Variants in TSPAN7 observed in about 807,000 individuals in gnomAD.
TSPAN7 encodes the protein tetraspanin-7.
TSPAN7 carries 1 observed loss-of-function variant against 17.6 expected under a neutral mutation model. That is an observed-to-expected ratio of 0.06 (90% CI 0.02 to 0.27). The LOEUF (loss-of-function observed/expected upper bound fraction) is 0.27. Ranked by LOEUF, TSPAN7 falls within the 10% of genes least tolerant of loss-of-function variation. The pLI is 1.00. For missense variants in TSPAN7, 112 were observed against 201.7 expected, an observed-to-expected ratio of 0.56 and a Z score of 2.69; for synonymous variants, 78 against 79.0, an observed-to-expected ratio of 0.99 and a Z score of 0.07.
In TSPAN7 at chrX:38,672,083, G is replaced by A. The variant is rs1331264185; in HGVS notation, c.345+633G>A. Among the ~76,000 whole-genome samples, 3 of 110,525 alleles carry A rather than the reference G, an allele frequency of 2.7e-5. No homozygotes were observed. The Admixed American group carries it at 2.9e-4, about 11-fold the overall frequency. On this transcript the variant is annotated intron_variant, in intron 3 of 7. Transcript: ENST00000378482. Reference sequence around the variant, plus strand: ...TTTTAAAAATAGCTGCTTCAGTAAGGCACAAGTGTATATCTGTATAACAAG... The same window carrying A: ...TTTTAAAAATAGCTGCTTCAGTAAGACACAAGTGTATATCTGTATAACAAG...
rs367770667 is a variant in TSPAN7, at chrX:38,637,453, A to G, written c.82-28668A>G. ...TAGACTTAGAAATGTCATGGCTATC[A>G]TTGCTTCAGTTCAACCCCAGATCCC... On this transcript the variant is annotated intron_variant, in intron 1 of 7. Transcript: ENST00000378482. Among the ~76,000 whole-genome samples, 8 of 112,211 alleles carry G rather than the reference A, an allele frequency of 7.1e-5. No individual in the cohort carries two copies. In the East Asian group the frequency reaches 1.7e-3, roughly 24 times the overall value.
intron 2 of TSPAN7, among the ~76,000 whole-genome samples, chrX:38,670,044 T>G (rs1193611758): frequency 1.8e-5 from 2 of 111,956 alleles, no homozygotes; most frequent in Non-Finnish European, 3.8e-5. Flanking sequence ...TCTAGAGAAT[T>G]TTGTTAATAT....
intron 6 of TSPAN7, among the ~76,000 whole-genome samples, chrX:38,686,910 A>T (rs1285999835): frequency 9.0e-6 from 1 of 111,061 alleles, no homozygotes; most frequent in Non-Finnish European, 1.9e-5. Context: ...TGAGGCCCCT[A>T]AAAAAACTGG....
chrX:38,569,138 C>T (rs1179512009), intron 1 of TSPAN7, among the ~76,000 whole-genome samples: 2 of 110,880 alleles, frequency 1.8e-5, no homozygotes, highest in East Asian at 2.8e-4. Context: ...GGGGGCACTA[C>T]GAAGCTGATT....
Position 38,606,323 on chromosome X carries a change from A to AAAATATT in TSPAN7, c.81+44701_81+44707dup, listed in dbSNP as rs1479261172. On this transcript the variant is annotated intron_variant, in intron 1 of 7. Transcript: ENST00000378482. ...GTAGAAATTAGACTAATTCCTTTGAAAAATATTAAATTCTTAAGACATTAA... is the reference window on the plus strand; with the variant it reads ...GTAGAAATTAGACTAATTCCTTTGAAAAATATTAAATATTAAATTCTTAAGACATTAA... Among the ~76,000 whole-genome samples, 16 of 112,514 alleles carry AAAATATT rather than the reference A, an allele frequency of 1.4e-4. No homozygotes were observed. In the East Asian group the frequency reaches 3.4e-3, roughly 24 times the overall value.
intron 1 of TSPAN7, among the ~76,000 whole-genome samples, chrX:38,622,636 G>C (rs1173447409): frequency 8.9e-6 from 1 of 112,523 alleles, no homozygotes; most frequent in African/African-American, 3.2e-5. Context: ...TCTTGCATTA[G>C]ATCAGAATTG....
intron 1 of TSPAN7, among the ~76,000 whole-genome samples, chrX:38,633,731 T>A (rs1160558371): frequency 8.9e-6 from 1 of 112,460 alleles, no homozygotes; most frequent in African/African-American, 3.2e-5. Flanking sequence ...TAGATTAGTG[T>A]CATTTGGTTT....
intron 1 of TSPAN7, among the ~76,000 whole-genome samples, chrX:38,663,433 C>G: frequency 8.9e-6 from 1 of 112,088 alleles, no homozygotes; most frequent in South Asian, 3.8e-4. Flanking sequence ...TGATAAAAGA[C>G]TACACATTGG....
At chrX:38,658,695 G>A (rs1324628731) in intron 1 of TSPAN7, among the ~76,000 whole-genome samples, 1 of 110,547 alleles carries the variant, frequency 9.0e-6, no homozygotes, top group African/African-American at 3.3e-5. Flanking sequence ...CCCAAGATTC[G>A]TTGTTCCCGC....
intron 1 of TSPAN7, among the ~76,000 whole-genome samples, chrX:38,599,904 CCT>C (rs1188311335): frequency 8.9e-6 from 1 of 111,947 alleles, no homozygotes; most frequent in African/African-American, 3.2e-5. Flanking sequence ...TCTTGTCAAT[CCT>C]CTCTTTTCTG....
chrX:38,563,261 G>A (rs970303163), intron 1 of TSPAN7: 1 of 493,903 alleles, frequency 2.0e-6, no homozygotes, highest in Admixed American at 4.7e-5. Context: ...GACACAGGTT[G>A]AAATGTCTCA....
intron 1 of TSPAN7, among the ~76,000 whole-genome samples, chrX:38,594,647 C>A (rs2069309218): frequency 8.9e-6 from 1 of 111,856 alleles, no homozygotes; most frequent in Non-Finnish European, 1.9e-5. Context: ...GGGTAGCATA[C>A]TACAGATACT....
At chrX:38,653,709 A>G (rs2069687902) in intron 1 of TSPAN7, among the ~76,000 whole-genome samples, 1 of 112,442 alleles carries the variant, frequency 8.9e-6, no homozygotes, top group Admixed American at 9.4e-5. Flanking sequence ...GGAGTGGAAC[A>G]TGCTTTCATT....
intron 1 of TSPAN7, among the ~76,000 whole-genome samples, chrX:38,647,039 A>G (rs753466213): frequency 5.6e-4 from 63 of 112,089 alleles, no homozygotes; most frequent in African/African-American, 1.9e-3. Flanking sequence ...GGGAGAAAAT[A>G]GGCATCAAAG....
chrX:38,675,816 G>T lies in TSPAN7; in HGVS notation c.553G>T (p.Asp185Tyr). The T allele has an allele frequency of 8.3e-7, 1 of 1,211,490 alleles. No individual in the cohort carries two copies. Residue 185 changes from aspartate (D) to tyrosine (Y), a missense_variant, in exon 5 of 8, where the codon GAT (aspartate) becomes TAT (tyrosine). Transcript: ENST00000378482. The part of the protein sequence containing the change: ...CMNETDCNPQ[D>Y]LHNLTVAATK... Reference sequence around the variant, plus strand: ...GAACGAAACTGATTGTAATCCCCAGGATCTACACAATCTGACTGTGGCCGC... The same window carrying T: ...GAACGAAACTGATTGTAATCCCCAGTATCTACACAATCTGACTGTGGCCGC...
intron 1 of TSPAN7, among the ~76,000 whole-genome samples, chrX:38,561,884 CA>C (rs60699034): frequency 0.02 from 2,154 of 106,563 alleles, 67 homozygotes; most frequent in African/African-American, 0.067. Context: ...GTCGACCTTC[CA>C]AAAAAAAAAT....
At chrX:38,646,318 TA>T (rs1250978542) in intron 1 of TSPAN7, 5 of 1,150,714 alleles carry the variant, frequency 4.3e-6, no homozygotes, top group Non-Finnish European at 5.7e-6. Context: ...CTTTGGTAAG[TA>T]AATTTTGTTG....
intron 1 of TSPAN7, among the ~76,000 whole-genome samples, chrX:38,616,238 A>G (rs1216423805): frequency 8.9e-6 from 1 of 112,151 alleles, no homozygotes; most frequent in African/African-American, 3.2e-5. Flanking sequence ...TAAGGTAGGT[A>G]CTATATTAAT....
rs1287528855 is a variant in TSPAN7 at position 38,687,634 on chromosome X, G to T, written c.717G>T (p.Arg239=). ...IGMLLACCLS[R]FITANQYEMV ...TGCTGCTGGCCTGCTGTCTGTCCCG[G>T]TTCATCACGGCCAATCAGTATGAGA... Residue 239 remains arginine (R), a synonymous_variant, in exon 7 of 8, where the codon CGG becomes CGT. Coordinates refer to ENST00000378482, the MANE Select transcript of TSPAN7 (RefSeq NM_004615.4). 5.0e-6 allele frequency: 6 copies of T among 1,209,028 alleles called. No homozygotes were observed. The highest frequency in any genetic ancestry group is 4.4e-5 in the Admixed American group (2 of 45,668).
Sources: gnomAD v4.1 joint callset for allele counts (sites outside exome capture counted in the v4.1 genomes callset) on GRCh38, gnomAD v4.1.1 for gene constraint, MANE v1.5 for transcripts, NCBI Gene and HGNC (gene_info 2026-07-23, HGNC 2026-07-21) for gene names.